HMMR: variants seen among roughly 807,000 people sequenced by gnomAD.
HMMR encodes intracellular hyaluronic acid-binding protein.
HMMR carries 108 observed loss-of-function variants against 101.0 expected under a neutral mutation model. The observed-to-expected ratio is 1.07, with a 90% CI of 0.92 to 1.25. The LOEUF (loss-of-function observed/expected upper bound fraction) is 1.25. Ranked by LOEUF, HMMR falls within the 50% of genes most tolerant of loss-of-function variation. HMMR has a pLI of 0.00. For missense variants in HMMR, 813 were observed against 788.7 expected (o/e 1.03, Z -0.37); for synonymous variants, 296 against 276.4 (o/e 1.07, Z -0.70).
chr5:163,481,009 A>G (rs944996643), intron 12 of HMMR, among the ~76,000 whole-genome samples: 1 of 151,964 alleles, frequency 6.6e-6, no homozygotes, highest in Non-Finnish European at 1.5e-5. Context: ...TCAAGGTGTA[A>G]AGATATTCAA....
Position 163,473,451 on chromosome 5 carries a change from T to G in HMMR, c.798T>G (p.Asn266Lys). ...AQLEENLKEKNDEILSLKQSL... is the reference protein window; with the variant it reads ...AQLEENLKEKKDEILSLKQSL... ...TAGAAGAAAATTTGAAAGAGAAGAA[T>G]GATGAAATTTTAAGCCTTAAGCAGT... Residue 266 changes from asparagine to lysine, a missense_variant, in exon 9 of 18, where the codon AAT becomes AAG. Asn to Lys is a moderately conservative substitution (Grantham distance 94, BLOSUM62 0). Coordinates refer to ENST00000393915, the MANE Select transcript of HMMR (RefSeq NM_001142556.2). 6.2e-7 allele frequency: 1 copy of G among 1,608,732 alleles called. No homozygotes were observed. Among genetic ancestry groups the G allele is most frequent in the Admixed American group, 1.7e-5 (1 of 59,678 alleles).
intron 16 of HMMR, among the ~76,000 whole-genome samples, chr5:163,489,679 A>G (rs1020900152): frequency 6.6e-6 from 1 of 152,168 alleles, no homozygotes; most frequent in Non-Finnish European, 1.5e-5. Context: ...ACTGTGCCCA[A>G]GGTGAGCCCC....
At chr5:163,481,153 T>C (rs1218463253) in intron 12 of HMMR, among the ~76,000 whole-genome samples, 4 of 152,052 alleles carry the variant, frequency 2.6e-5, no homozygotes, top group African/African-American at 9.6e-5. Context: ...CTAGTTTAAT[T>C]TAATTCATTA....
chr5:163,483,089 T>C lies in HMMR; in HGVS notation c.1602T>C (p.Phe534=). The C allele has an allele frequency of 6.2e-7, 1 of 1,612,734 alleles. No homozygotes were observed. Among genetic ancestry groups the C allele is most frequent in the Non-Finnish European group, 8.5e-7 (1 of 1,179,156 alleles). The change falls in exon 14 of 18, where the codon TTT becomes TTC. Residue 534 remains phenylalanine, a synonymous_variant. Transcript: ENST00000393915. ...ETEIKEITVS[F]LQKITDLQNQ... ...AAATTAAAGAAATCACAGTTTCTTT[T>C]CTTCAAAAAATAACTGATTTGCAGA...
At chr5:163,487,183 CTTCTAT>C (rs1471680065) in intron 16 of HMMR, among the ~76,000 whole-genome samples, 1 of 152,128 alleles carries the variant, frequency 6.6e-6, no homozygotes, top group Non-Finnish European at 1.5e-5. Context: ...TCAAGTGCTT[CTTCTAT>C]TTCTATTGAG....
rs1362543167 is a variant in HMMR at position 163,491,124 on chromosome 5, G to A, written c.2138G>A (p.Cys713Tyr). Reference protein sequence around the residue: ...KTPLKEGNTNCYRAPMECQES... With the variant: ...KTPLKEGNTNYYRAPMECQES... ...ATAATTCTTCTAGGCAATACAAACT[G>A]TTACCGAGCTCCTATGGAGTGTCAA... The change falls in exon 18 of 18, where the codon TGT becomes TAT. Residue 713 changes from cysteine (C) to tyrosine (Y), a missense_variant. By Grantham distance (194) the Cys-to-Tyr change is radical. Transcript: ENST00000393915. 2 of 1,566,296 alleles carry A rather than the reference G, an allele frequency of 1.3e-6. No individual in the cohort carries two copies. The highest frequency in any genetic ancestry group is 1.2e-5 in the South Asian group (1 of 84,992).
intron 12 of HMMR, among the ~76,000 whole-genome samples, chr5:163,481,070 G>T (rs1244721576): frequency 6.6e-6 from 1 of 151,812 alleles, no homozygotes; most frequent in Non-Finnish European, 1.5e-5. Flanking sequence ...TTTCCACCTA[G>T]AACTGATTTC....
intron 16 of HMMR, among the ~76,000 whole-genome samples, chr5:163,484,836 G>A (rs138544970): frequency 1.9e-3 from 296 of 151,952 alleles, no homozygotes; most frequent in Admixed American, 3.7e-3. Context: ...TTTCCCTATT[G>A]TGGACCTGGC....
rs747829544 is a variant in HMMR, at chr5:163,473,481, TGAG to T, written c.832_834del (p.Glu278del). The T allele has an allele frequency of 1.2e-6, 2 of 1,602,320 alleles. No individual in the cohort carries two copies. The highest frequency in any genetic ancestry group is 1.7e-6 in the Non-Finnish European group (2 of 1,171,528). ...AAATTTTAAGCCTTAAGCAGTCTCT[TGAG>T]GAGAATATTGTTATATTATCTAAAC... On this transcript the variant is annotated inframe_deletion, in exon 9 of 18. Transcript: ENST00000393915.
At chr5:163,482,209 G>A (rs1313566494) in intron 12 of HMMR, among the ~76,000 whole-genome samples, 2 of 152,118 alleles carry the variant, frequency 1.3e-5, no homozygotes, top group African/African-American at 4.8e-5. Context: ...GAGCCACCAC[G>A]CCCAGCCTAC....
At chr5:163,485,477 ATGAAAGAAATG>A (rs1269376884) in intron 16 of HMMR, among the ~76,000 whole-genome samples, 1 of 152,138 alleles carries the variant, frequency 6.6e-6, no homozygotes, top group Non-Finnish European at 1.5e-5. Flanking sequence ...GTATATCTTC[ATGAAAGAAATG>A]TCTGTTTATA....
chr5:163,471,671 C>T (rs1357968280), intron 7 of HMMR, among the ~76,000 whole-genome samples: 2 of 152,114 alleles, frequency 1.3e-5, no homozygotes, highest in Non-Finnish European at 2.9e-5. Context: ...GAGTGCATTA[C>T]TTTTGTACAT....
intron 3 of HMMR, among the ~76,000 whole-genome samples, chr5:163,466,822 A>G (rs746563285): frequency 6.6e-6 from 1 of 152,240 alleles, no homozygotes; most frequent in Non-Finnish European, 1.5e-5. Flanking sequence ...ACACTACTAG[A>G]AAAATTTAAA....
chr5:163,467,883 A>G (rs1758752669), intron 4 of HMMR, 135 bp downstream of exon 4: 3 of 581,284 alleles, frequency 5.2e-6, no homozygotes, highest in South Asian at 3.8e-5. Flanking sequence ...CAGTGCCTAC[A>G]GGAAAACAGT....
At chr5:163,464,488 C>T (rs185765659) in intron 2 of HMMR, among the ~76,000 whole-genome samples, 276 of 152,082 alleles carry the variant, frequency 1.8e-3, no homozygotes, top group Non-Finnish European at 2.5e-3. Context: ...TGGTGGGGTG[C>T]GCCTGTGGTT....
chr5:163,473,384 C>T lies in HMMR; in HGVS notation c.731C>T (p.Ala244Val). ...GATAATTTGTTTTAATGCAGTTGTG[C>T]TTCAGATCAAGTGGAAAAATACAAG... ...LLEYIEEISC[A>V]SDQVEKYKLD... is the part of the protein sequence containing the mutation. Residue 244 changes from alanine to valine, a missense_variant, in exon 9 of 18, where the codon GCT (alanine) becomes GTT (valine). By Grantham distance (64) the Ala-to-Val change is moderately conservative. Coordinates refer to ENST00000393915, the MANE Select transcript of HMMR (RefSeq NM_001142556.2). The T allele has an allele frequency of 6.2e-7, 1 of 1,607,960 alleles. No homozygotes were observed. The highest frequency in any genetic ancestry group is 8.5e-7 in the Non-Finnish European group (1 of 1,176,712).
chr5:163,485,696 GT>G (rs755031777), intron 16 of HMMR, among the ~76,000 whole-genome samples: 2 of 151,954 alleles, frequency 1.3e-5, no homozygotes, highest in Non-Finnish European at 2.9e-5. Flanking sequence ...TTGTTTGTTC[GT>G]TCCTTGGTAT....
At chr5:163,481,101 G>T (rs1176022838) in intron 12 of HMMR, among the ~76,000 whole-genome samples, 1 of 151,700 alleles carries the variant, frequency 6.6e-6, no homozygotes, top group African/African-American at 2.4e-5. Context: ...GCAATATAGG[G>T]ATCAAATTCA....
intron 4 of HMMR, 97 bp downstream of exon 4, chr5:163,467,845 T>A: frequency 2.7e-6 from 2 of 728,134 alleles, no homozygotes; most frequent in Non-Finnish European, 4.8e-6. Context: ...TGAGGAGTCC[T>A]GCAGTGAGGC....
Sources: gnomAD v4.1 joint callset for allele counts (sites outside exome capture counted in the v4.1 genomes callset) on GRCh38, gnomAD v4.1.1 for gene constraint, MANE v1.5 for transcripts, NCBI Gene and HGNC (gene_info 2026-07-23, HGNC 2026-07-21) for gene names.